The following APP variants were observed in gnomAD, a reference collection of about 807,000 sequenced individuals.
APP encodes the protein amyloid-beta precursor protein.
In APP, 31 loss-of-function variants were observed where a neutral mutation model predicts 101.4. That is an observed-to-expected ratio of 0.31 (90% CI 0.23 to 0.41). APP has a LOEUF of 0.41. Among genes scored for constraint, APP ranks in the 10% least tolerant of loss-of-function variants. The probability of loss-of-function intolerance (pLI) is 1.00; values close to 1 mark genes in which losing one functional copy is unlikely to be tolerated. For missense variants in APP, 839 were observed against 1,003.7 expected (o/e 0.84, Z 2.22); for synonymous variants, 366 against 364.4 (o/e 1.00, Z -0.05).
chr21:25,887,778 G>C (rs1039066024), intron 17 of APP, among the ~76,000 whole-genome samples: 1 of 152,122 alleles, frequency 6.6e-6, no homozygotes, highest in Non-Finnish European at 1.5e-5. Context: ...TGGAGCCTAG[G>C]AGCAATAGTT....
chr21:26,028,273 C>A (rs562160405), intron 5 of APP, among the ~76,000 whole-genome samples: 6 of 151,890 alleles, frequency 4.0e-5, no homozygotes, highest in African/African-American at 1.4e-4. Flanking sequence ...TAGGCTATAT[C>A]ATCATTCTTA....
At chr21:25,936,064 T>A (rs1158606203) in intron 13 of APP, among the ~76,000 whole-genome samples, 2 of 152,094 alleles carry the variant, frequency 1.3e-5, no homozygotes, top group African/African-American at 4.8e-5. Flanking sequence ...AGACAGTAGC[T>A]GAGGAACGAT....
chr21:26,121,024 T>C (rs768970428), intron 1 of APP, among the ~76,000 whole-genome samples: 1 of 152,142 alleles, frequency 6.6e-6, no homozygotes, highest in Non-Finnish European at 1.5e-5. Context: ...TAGGTATGTA[T>C]GCAGAGAAGA....
chr21:26,027,535 C>A (rs2044633058), intron 5 of APP, among the ~76,000 whole-genome samples: 1 of 152,150 alleles, frequency 6.6e-6, no homozygotes, highest in South Asian at 2.1e-4. Context: ...CGCATAAAGG[C>A]ACTGTTAGAA....
intron 13 of APP, chr21:25,937,765 G>GT (rs2040417067): frequency 6.6e-6 from 1 of 152,052 alleles, no homozygotes; most frequent in African/African-American, 2.4e-5. Context: ...TGCTTATACA[G>GT]TTTTTTGTTT....
At chr21:26,042,475 A>G (rs113401282) in intron 5 of APP, among the ~76,000 whole-genome samples, 10,322 of 152,332 alleles carry the variant, frequency 0.068, 468 homozygotes, top group African/African-American at 0.12. Flanking sequence ...TCTGGTTATT[A>G]TTTTCTGAGA....
intron 1 of APP, among the ~76,000 whole-genome samples, chr21:26,114,408 G>A (rs2062392061): frequency 6.6e-6 from 1 of 152,198 alleles, no homozygotes; most frequent in Non-Finnish European, 1.5e-5. Context: ...TACAGCAGAA[G>A]TGATGATGGT....
intron 1 of APP, among the ~76,000 whole-genome samples, chr21:26,131,212 A>G (rs1304383040): frequency 6.6e-6 from 1 of 152,156 alleles, no homozygotes; most frequent in Non-Finnish European, 1.5e-5. Flanking sequence ...CCAGGTAACA[A>G]GAGCGAAACG....
At chr21:25,999,950 AC>A (rs2043216866) in intron 7 of APP, 64 bp downstream of exon 7, 7 of 1,559,356 alleles carry the variant, frequency 4.5e-6, no homozygotes, top group Non-Finnish European at 6.1e-6. Context: ...TCAATCTGTT[AC>A]AAAAAGCAGA....
At chr21:26,011,048 C>A (rs1405087943) in intron 6 of APP, among the ~76,000 whole-genome samples, 1 of 151,276 alleles carries the variant, frequency 6.6e-6, no homozygotes. Context: ...CAGTATTGCA[C>A]GGGTATTTCT....
At chr21:26,119,001 G>A (rs1013797050) in intron 1 of APP, among the ~76,000 whole-genome samples, 1 of 152,116 alleles carries the variant, frequency 6.6e-6, no homozygotes, top group Non-Finnish European at 1.5e-5. Flanking sequence ...GATAGAAAAA[G>A]GGTTAGAGGC....
At chr21:26,066,089 G>C (rs942282920) in intron 3 of APP, among the ~76,000 whole-genome samples, 4 of 152,086 alleles carry the variant, frequency 2.6e-5, no homozygotes, top group Admixed American at 2.6e-4. Flanking sequence ...ATGATATTTG[G>C]AGCAGGGCTT....
At chr21:25,967,845 T>C (rs1003082581) in intron 11 of APP, among the ~76,000 whole-genome samples, 19 of 152,232 alleles carry the variant, frequency 1.2e-4, no homozygotes, top group Non-Finnish European at 2.8e-4. Context: ...AAATGATGAA[T>C]GCTTAGCTTT....
intron 6 of APP, among the ~76,000 whole-genome samples, chr21:26,010,177 T>C (rs1486921538): frequency 7.4e-6 from 1 of 135,134 alleles, no homozygotes; most frequent in East Asian, 2.2e-4. Flanking sequence ...TGCTATTTTA[T>C]AACAGTGGAC....
At chr21:26,153,439 G>A (rs545064375) in intron 1 of APP, among the ~76,000 whole-genome samples, 165 of 150,168 alleles carry the variant, frequency 1.1e-3, no homozygotes, top group Non-Finnish European at 1.9e-3. Context: ...CTAAGGAAAC[G>A]CAGATACCCC....
At position 25,882,621 on chromosome 21, in the gene APP, T is replaced by C. The variant is rs1601249212; in HGVS notation, c.2212-850A>G. Among the ~76,000 whole-genome samples, 4 of 152,008 alleles carry C rather than the reference T, an allele frequency of 2.6e-5. No homozygotes were observed. In the Middle Eastern group the frequency reaches 0.01, roughly 390 times the overall value. On this transcript the variant is annotated intron_variant, in intron 17 of 17. Transcript: ENST00000346798. ...GTACTTACCCCTACAACGTGGGCAG[T>C]GGCTGTTCTTGTTTTACTATATTTG...
chr21:26,115,328 C>T (rs1601500229), intron 1 of APP, among the ~76,000 whole-genome samples: 1 of 152,180 alleles, frequency 6.6e-6, no homozygotes, highest in East Asian at 1.9e-4. Flanking sequence ...AATTTTTTCC[C>T]CCCGAACCAA....
chr21:26,170,849 A>G (rs1469440825), upstream of APP: 3 of 459,526 alleles, frequency 6.5e-6, no homozygotes, highest in Non-Finnish European at 1.1e-5. Context: ...CCCGAGAGAG[A>G]CCCCTAGCGG....
chr21:26,044,747 C>T (rs1173145745), intron 5 of APP, among the ~76,000 whole-genome samples: 1 of 152,160 alleles, frequency 6.6e-6, no homozygotes, highest in Non-Finnish European at 1.5e-5. Flanking sequence ...CCATGTTGGT[C>T]AGGCTGGTCT....
Sources: allele counts gnomAD v4.1 joint callset (sites outside exome capture counted in the v4.1 genomes callset), GRCh38; gene constraint gnomAD v4.1.1; transcripts MANE v1.5; gene names NCBI Gene and HGNC (gene_info 2026-07-23, HGNC 2026-07-21).